The following PTPRT variants were observed in gnomAD, a reference collection of about 807,000 sequenced individuals.
PTPRT encodes receptor-type tyrosine-protein phosphatase T.
PTPRT carries 56 observed loss-of-function variants against 176.8 expected under a neutral mutation model. The observed-to-expected ratio is 0.32, with a 90% CI of 0.26 to 0.40. PTPRT has a LOEUF of 0.40. Among genes scored for constraint, PTPRT ranks in the 10% least tolerant of loss-of-function variants. PTPRT has a pLI of 1.00. For missense variants in PTPRT, 1,540 were observed against 1,908.2 expected (o/e 0.81, Z 3.60); for synonymous variants, 783 against 739.0 (o/e 1.06, Z -0.96).
intron 2 of PTPRT, among the ~76,000 whole-genome samples, chr20:42,844,600 G>C (rs1050149519): frequency 5.3e-5 from 8 of 152,104 alleles, no homozygotes; most frequent in Admixed American, 1.3e-4. Flanking sequence ...GCTCTCAGAG[G>C]GAATCCATGC....
chr20:42,266,447 A>T (rs1373488730), intron 13 of PTPRT, among the ~76,000 whole-genome samples: 1 of 152,134 alleles, frequency 6.6e-6, no homozygotes, highest in Non-Finnish European at 1.5e-5. Context: ...GAGGGATGTG[A>T]AAAGAGGCCT....
At chr20:42,816,154 G>A (rs138746557) in intron 2 of PTPRT, among the ~76,000 whole-genome samples, 2 of 152,300 alleles carry the variant, frequency 1.3e-5, no homozygotes, top group Admixed American at 6.5e-5. Context: ...GATTGGAACA[G>A]TAGGACAGGT....
chr20:42,810,249 A>G (rs886859584), intron 2 of PTPRT, among the ~76,000 whole-genome samples: 1 of 152,174 alleles, frequency 6.6e-6, no homozygotes, highest in Non-Finnish European at 1.5e-5. Context: ...AGCAGAGATC[A>G]TGCCACTGCA....
intron 7 of PTPRT, among the ~76,000 whole-genome samples, chr20:42,640,406 AT>A (rs35838312): frequency 4.0e-5 from 6 of 151,332 alleles, no homozygotes; most frequent in Admixed American, 1.3e-4. Context: ...AAAAAAAAAA[AT>A]TTTTTTGAGA....
chr20:42,563,459 C>T (rs2072986836), intron 7 of PTPRT, among the ~76,000 whole-genome samples: 1 of 152,090 alleles, frequency 6.6e-6, no homozygotes, highest in Non-Finnish European at 1.5e-5. Flanking sequence ...CTATGATGAT[C>T]AAACACCATA....
At chr20:42,791,562 G>A (rs1295799633) in intron 2 of PTPRT, 96 bp from the exon 3 acceptor site, 2 of 1,336,266 alleles carry the variant, frequency 1.5e-6, no homozygotes, top group East Asian at 2.5e-5. Flanking sequence ...GTGGCCAGAG[G>A]AGTGGCCAGA....
intron 9 of PTPRT, among the ~76,000 whole-genome samples, chr20:42,363,300 ATTTTTTT>A (rs879370769): frequency 1.1e-3 from 33 of 30,530 alleles, no homozygotes; most frequent in African/African-American, 5.6e-3. Context: ...ATATATATAT[ATTTTTTT>A]TTTTTTTTTT....
At chr20:42,440,700 A>G (rs531412796) in intron 9 of PTPRT, among the ~76,000 whole-genome samples, 1 of 152,144 alleles carries the variant, frequency 6.6e-6, no homozygotes, top group East Asian at 1.9e-4. Flanking sequence ...GATGGTCTCG[A>G]TCTCCTGACC....
At chr20:42,605,086 GGC>G in intron 7 of PTPRT, among the ~76,000 whole-genome samples, 1 of 152,214 alleles carries the variant, frequency 6.6e-6, no homozygotes, top group African/African-American at 2.4e-5. Flanking sequence ...CATGGAGTGA[GGC>G]GTGACCCAAG....
intron 16 of PTPRT, among the ~76,000 whole-genome samples, chr20:42,177,021 A>G (rs550008217): frequency 6.6e-6 from 1 of 152,356 alleles, no homozygotes; most frequent in African/African-American, 2.4e-5. Flanking sequence ...ACAAGACCTG[A>G]GTTTTCATCC....
chr20:43,083,345 T>TATACATAC (rs2011504931), intron 1 of PTPRT, among the ~76,000 whole-genome samples: 7 of 117,374 alleles, frequency 6.0e-5, no homozygotes, highest in African/African-American at 2.2e-4. Context: ...TATATATATA[T>TATACATAC]ATATATATAT....
At chr20:42,564,571 C>A (rs2145662517) in intron 7 of PTPRT, among the ~76,000 whole-genome samples, 1 of 152,150 alleles carries the variant, frequency 6.6e-6, no homozygotes, top group South Asian at 2.1e-4. Flanking sequence ...ACACTGGGGC[C>A]TGTCAGGAGG....
chr20:42,608,771 G>A (rs372082207), intron 7 of PTPRT, among the ~76,000 whole-genome samples: 13 of 152,128 alleles, frequency 8.5e-5, no homozygotes, highest in African/African-American at 2.2e-4. Flanking sequence ...GCTTCTCACC[G>A]CATACAGAGT....
At chr20:42,228,429 C>A (rs2051085125) in intron 15 of PTPRT, among the ~76,000 whole-genome samples, 2 of 152,170 alleles carry the variant, frequency 1.3e-5, no homozygotes, top group African/African-American at 2.4e-5. Flanking sequence ...AGTTGCAATC[C>A]CTATCCAAAT....
At chr20:42,894,067 C>T (rs769588263) in intron 1 of PTPRT, among the ~76,000 whole-genome samples, 1 of 151,308 alleles carries the variant, frequency 6.6e-6, no homozygotes, top group Non-Finnish European at 1.5e-5. Context: ...TTGCTCTGAT[C>T]ACATGAAGGG....
At chr20:42,205,883 A>G (rs2055446228) in intron 15 of PTPRT, among the ~76,000 whole-genome samples, 1 of 152,170 alleles carries the variant, frequency 6.6e-6, no homozygotes, top group Non-Finnish European at 1.5e-5. Flanking sequence ...TCCTCTTTGA[A>G]TCCAGGATGC....
Position 42,953,450 on chromosome 20 carries a change from G to A in PTPRT, c.89-67518C>T, listed in dbSNP as rs117246374. 3.5e-4 allele frequency among the ~76,000 whole-genome samples: 53 copies of A among 152,260 alleles called. No homozygotes were observed. In the East Asian group the frequency reaches 8.3e-3, roughly 24 times the overall value. On this transcript the variant is annotated intron_variant, in intron 1 of 30. Coordinates refer to ENST00000373187, the MANE Select transcript of PTPRT (RefSeq NM_007050.6). ...GCCATGGTACCCACTGCCATCCCTC[G>A]GTGAATCACACAAGATAAAAGTATA...
intron 7 of PTPRT, among the ~76,000 whole-genome samples, chr20:42,500,034 G>A (rs2071724806): frequency 1.3e-5 from 2 of 151,980 alleles, no homozygotes; most frequent in African/African-American, 4.8e-5. Context: ...TGTAATTTGA[G>A]TTTTTTTATC....
chr20:42,786,551 T>G (rs1438848516), intron 3 of PTPRT, among the ~76,000 whole-genome samples: 1 of 152,200 alleles, frequency 6.6e-6, no homozygotes, highest in Non-Finnish European at 1.5e-5. Context: ...AGGGAGCTAC[T>G]GCACAGATCT....
Sources: gnomAD v4.1 joint callset for allele counts (sites outside exome capture counted in the v4.1 genomes callset) on GRCh38, gnomAD v4.1.1 for gene constraint, MANE v1.5 for transcripts, NCBI Gene and HGNC (gene_info 2026-07-23, HGNC 2026-07-21) for gene names.